Variants in NAV3 observed in about 807,000 individuals in gnomAD.
The protein encoded by NAV3 is pore membrane and/or filament interacting like protein 1.
Under a neutral mutation model 244.7 loss-of-function variants are expected in NAV3, and 87 were observed. The ratio of observed to expected loss-of-function variants is 0.36; its 90% CI spans 0.30 to 0.42. The LOEUF is 0.42. Among genes scored for constraint, NAV3 ranks in the 20% least tolerant of loss-of-function variants. NAV3 has a pLI of 1.00. For synonymous variants in NAV3, 1,126 were observed against 1,042.2 expected (o/e 1.08, Z -1.55); for missense variants, 2,663 against 2,893.3 (o/e 0.92, Z 1.83).
intron 7 of NAV3, among the ~76,000 whole-genome samples, chr12:78,003,185 G>A (rs1167563410): frequency 1.2e-5 from 1 of 85,400 alleles, no homozygotes; most frequent in Non-Finnish European, 3.1e-5. Flanking sequence ...AGCAGTGTGA[G>A]GAGGTGCATG....
rs1283632675 is a variant in NAV3 at position 77,685,472 on chromosome 12, T to TGC, written c.72+113207_72+113208dup. ...TTAAGATACTCCCAACGCATACACA[T>TGC]GCACACACACACACACACACACACA... On this transcript the variant is annotated intron_variant, in intron 2 of 8. Transcript: ENST00000550042. Among the ~76,000 whole-genome samples the TGC allele has an allele frequency of 6.0e-3, 208 of 34,628 alleles. 1 individual carries two copies. The highest frequency in any genetic ancestry group is 0.03 in the African/African-American group (202 of 6,668). The allele number at this position is 34,628 out of a possible 152,430, so 22.7% of individuals were successfully genotyped here. A position where few individuals can be genotyped will look rare whatever the true frequency, so the allele number is the denominator to read the frequency against.
At chr12:77,725,430 A>G (rs1209480195) in intron 2 of NAV3, among the ~76,000 whole-genome samples, 1 of 151,906 alleles carries the variant, frequency 6.6e-6, no homozygotes, top group East Asian at 1.9e-4. Flanking sequence ...TTTTCTGGAC[A>G]TTTGCTGTGT....
intron 38 of NAV3, among the ~76,000 whole-genome samples, chr12:78,203,196 C>G (rs371883731): frequency 2.0e-5 from 3 of 151,918 alleles, no homozygotes; most frequent in African/African-American, 2.4e-5. Flanking sequence ...GTGTTTCACT[C>G]GGAAATATAG....
chr12:78,192,301 G>A (rs1367698144), intron 34 of NAV3, among the ~76,000 whole-genome samples: 2 of 152,108 alleles, frequency 1.3e-5, no homozygotes, highest in African/African-American at 4.8e-5. Context: ...AAAATAATGG[G>A]CAGGGGAAAA....
chr12:77,700,651 C>T (rs1875520614), intron 2 of NAV3, among the ~76,000 whole-genome samples: 1 of 151,928 alleles, frequency 6.6e-6, no homozygotes, highest in Non-Finnish European at 1.5e-5. Flanking sequence ...ATGATTTGTA[C>T]TCTTTTACTA....
intron 2 of NAV3, among the ~76,000 whole-genome samples, chr12:77,775,552 C>T (rs1406091435): frequency 6.6e-6 from 1 of 152,188 alleles, no homozygotes; most frequent in Non-Finnish European, 1.5e-5. Flanking sequence ...ATCCTTTCCT[C>T]ATTCATTTGT....
At chr12:77,732,931 GT>G (rs1050472160) in intron 2 of NAV3, among the ~76,000 whole-genome samples, 5 of 152,018 alleles carry the variant, frequency 3.3e-5, no homozygotes, top group Non-Finnish European at 5.9e-5. Flanking sequence ...TGGGGAATTG[GT>G]GGAGGAAGAG....
intron 3 of NAV3, among the ~76,000 whole-genome samples, chr12:77,960,895 CAT>C (rs1328606566): frequency 3.2e-4 from 47 of 145,812 alleles, no homozygotes; most frequent in Admixed American, 5.5e-4. Context: ...TTAATATGAA[CAT>C]ATCATATATT....
intron 12 of NAV3, among the ~76,000 whole-genome samples, chr12:78,115,082 A>G (rs1212014838): frequency 6.6e-6 from 1 of 152,230 alleles, no homozygotes; most frequent in Non-Finnish European, 1.5e-5. Flanking sequence ...TATATGATGT[A>G]GCTCTTAAAG....
intron 12 of NAV3, among the ~76,000 whole-genome samples, chr12:78,109,329 T>C (rs569220398): frequency 1.3e-5 from 2 of 152,100 alleles, no homozygotes; most frequent in Admixed American, 6.6e-5. Context: ...CCCAACTCTT[T>C]TAAAGCTTTG....
chr12:78,043,430 C>A (rs1313574426), intron 9 of NAV3, among the ~76,000 whole-genome samples: 2 of 152,034 alleles, frequency 1.3e-5, no homozygotes, highest in Admixed American at 6.6e-5. Context: ...GATTTATAAT[C>A]CTTTGGTTGT....
At chr12:78,157,088 A>G (rs1253899133) in intron 22 of NAV3, among the ~76,000 whole-genome samples, 1 of 152,136 alleles carries the variant, frequency 6.6e-6, no homozygotes, top group Non-Finnish European at 1.5e-5. Flanking sequence ...TCTTTGGGGA[A>G]GGAAGAGGGA....
At chr12:77,685,346 C>T (rs1874672139) in intron 2 of NAV3, among the ~76,000 whole-genome samples, 1 of 152,086 alleles carries the variant, frequency 6.6e-6, no homozygotes, top group Admixed American at 6.6e-5. Flanking sequence ...ATCTGCTGAT[C>T]GACATTTCCA....
At chr12:77,998,278 C>T in intron 6 of NAV3, 59 bp from the exon 7 acceptor site, 1 of 1,316,170 alleles carries the variant, frequency 7.6e-7, no homozygotes. Flanking sequence ...TCAGCACCTC[C>T]TGCTTCTTAC....
rs1345679319 is a variant in NAV3 at position 78,188,785 on chromosome 12, C to G, written c.6055+8C>G. The G allele has an allele frequency of 1.9e-6, 3 of 1,608,546 alleles. No homozygotes were observed. Among genetic ancestry groups the G allele is most frequent in the East Asian group, 2.2e-5 (1 of 44,678 alleles). On this transcript the variant is annotated splice_region_variant and intron_variant, in intron 33 of 39. Transcript: ENST00000397909. ...TCACTGTGAACCTCAAAGGTAAAAG[C>G]AATAATGAAAAGCAAGGCAGAAATA...
At chr12:77,858,580 A>G (rs1331660705) in intron 1 of NAV3, among the ~76,000 whole-genome samples, 1 of 152,094 alleles carries the variant, frequency 6.6e-6, no homozygotes, top group Non-Finnish European at 1.5e-5. Context: ...ATATTTTATT[A>G]CACTATCTCA....
chr12:78,155,183 C>A (rs778126521), intron 22 of NAV3, among the ~76,000 whole-genome samples: 2 of 152,006 alleles, frequency 1.3e-5, no homozygotes, highest in Non-Finnish European at 2.9e-5. Context: ...CCCCTAACTC[C>A]CACTGACAGG....
At chr12:77,747,962 A>G (rs980680826) in intron 2 of NAV3, among the ~76,000 whole-genome samples, 17 of 152,192 alleles carry the variant, frequency 1.1e-4, no homozygotes, top group Non-Finnish European at 2.2e-4. Flanking sequence ...GCAGCACACC[A>G]ACATGGCACC....
intron 1 of NAV3, among the ~76,000 whole-genome samples, chr12:77,875,701 A>G (rs1881753226): frequency 6.6e-6 from 1 of 152,108 alleles, no homozygotes; most frequent in South Asian, 2.1e-4. Flanking sequence ...AATTGACTGT[A>G]TTTAGCCTAT....
Sources: allele counts gnomAD v4.1 joint callset (sites outside exome capture counted in the v4.1 genomes callset), GRCh38; gene constraint gnomAD v4.1.1; transcripts MANE v1.5; gene names NCBI Gene and HGNC (gene_info 2026-07-23, HGNC 2026-07-21).